PDE8B: variants seen among roughly 807,000 people sequenced by gnomAD.
PDE8B encodes the protein high affinity cAMP-specific and IBMX-insensitive 3',5'-cyclic phosphodiesterase 8B.
Under a neutral mutation model 101.3 loss-of-function variants are expected in PDE8B, and 26 were observed. The ratio of observed to expected loss-of-function variants is 0.26; its 90% CI spans 0.19 to 0.36. The LOEUF is 0.36. Among genes scored for constraint, PDE8B ranks in the 10% least tolerant of loss-of-function variants. The pLI, the probability that PDE8B is intolerant of heterozygous loss-of-function variation, is 1.00. For missense variants in PDE8B, 810 were observed against 1,163.1 expected (o/e 0.70, Z 4.42); for synonymous variants, 424 against 429.3 (o/e 0.99, Z 0.15).
intron 1 of PDE8B, among the ~76,000 whole-genome samples, chr5:77,295,017 C>G (rs1768216090): frequency 6.6e-6 from 1 of 151,866 alleles, no homozygotes; most frequent in Admixed American, 6.6e-5. Context: ...AACATCAATG[C>G]ATATTCTAGT....
Position 77,278,543 on chromosome 5 carries a change from C to T in PDE8B, c.340-33451C>T, listed in dbSNP as rs1381823489. Reference sequence around the variant, plus strand: ...GGAGTGCAGTGGCGCGATCTTGTCTCATTGCAAGCTCTGCCTCCCGGGTTC... The same window carrying T: ...GGAGTGCAGTGGCGCGATCTTGTCTTATTGCAAGCTCTGCCTCCCGGGTTC... On this transcript the variant is annotated intron_variant, in intron 1 of 21. Transcript: ENST00000264917. 3.3e-5 allele frequency among the ~76,000 whole-genome samples: 5 copies of T among 152,278 alleles called. No homozygotes were observed. The East Asian group carries it at 7.7e-4, about 24-fold the overall frequency.
chr5:77,393,754 A>G (rs1441627575), intron 10 of PDE8B, among the ~76,000 whole-genome samples: 4 of 152,216 alleles, frequency 2.6e-5, no homozygotes, highest in Admixed American at 2.6e-4. Flanking sequence ...TGTAATACCT[A>G]TACATAGGTA....
At chr5:77,319,514 GA>G (rs1774563212) in intron 2 of PDE8B, among the ~76,000 whole-genome samples, 1 of 152,206 alleles carries the variant, frequency 6.6e-6, no homozygotes, top group Admixed American at 6.5e-5. Context: ...GTGCAATGAA[GA>G]GATGCAAAAT....
At chr5:77,327,896 G>T (rs1776351134) in intron 3 of PDE8B, among the ~76,000 whole-genome samples, 1 of 152,200 alleles carries the variant, frequency 6.6e-6, no homozygotes, top group South Asian at 2.1e-4. Context: ...GAGGGCTCAA[G>T]GAACAGGACA....
At chr5:77,204,768 C>G in the PDE8B span, among the ~76,000 whole-genome samples, 2 of 152,150 alleles carry the variant, frequency 1.3e-5, no homozygotes, top group Admixed American at 1.3e-4. Context: ...TCTTCCCTTC[C>G]CAATGACCAT....
chr5:77,390,536 C>T (rs759564457), intron 10 of PDE8B, among the ~76,000 whole-genome samples: 1 of 152,178 alleles, frequency 6.6e-6, no homozygotes, highest in African/African-American at 2.4e-5. Flanking sequence ...TATGCTTTTA[C>T]AAGAGGAGAA....
the PDE8B span, among the ~76,000 whole-genome samples, chr5:77,202,065 T>C: frequency 1.3e-5 from 2 of 152,174 alleles, no homozygotes; most frequent in South Asian, 2.1e-4. Context: ...CCCACCCTTA[T>C]GACCTCGTAA....
intron 19 of PDE8B, among the ~76,000 whole-genome samples, chr5:77,421,594 G>GTA (rs1401965217): frequency 6.6e-6 from 1 of 151,630 alleles, no homozygotes. Context: ...TTCAAACTCT[G>GTA]TGTGTGTGTG....
chr5:77,369,559 A>G (rs1459190806), intron 10 of PDE8B, among the ~76,000 whole-genome samples: 1 of 152,184 alleles, frequency 6.6e-6, no homozygotes, highest in Non-Finnish European at 1.5e-5. Context: ...ATAATATTTT[A>G]TTGAGTGTTT....
At chr5:77,343,818 C>CA (rs950299333) in intron 6 of PDE8B, among the ~76,000 whole-genome samples, 60 of 142,444 alleles carry the variant, frequency 4.2e-4, no homozygotes, top group African/African-American at 1.4e-3. Flanking sequence ...CACAGCTGTA[C>CA]AAAAAAAATG....
chr5:77,234,670 A>G (rs1446324125), intron 1 of PDE8B, among the ~76,000 whole-genome samples: 1 of 152,042 alleles, frequency 6.6e-6, no homozygotes, highest in African/African-American at 2.4e-5. Flanking sequence ...TAGAAGTTTG[A>G]CCTTTATCCT....
intron 1 of PDE8B, among the ~76,000 whole-genome samples, chr5:77,266,370 C>A (rs1243473436): frequency 1.3e-5 from 2 of 152,152 alleles, no homozygotes; most frequent in Non-Finnish European, 2.9e-5. Context: ...AAGTTTTTCA[C>A]ATTTTTTGTG....
At chr5:77,229,474 A>T (rs910791894) in intron 1 of PDE8B, among the ~76,000 whole-genome samples, 2 of 152,206 alleles carry the variant, frequency 1.3e-5, no homozygotes, top group Non-Finnish European at 2.9e-5. Flanking sequence ...AACCATTTTG[A>T]AGTGCACAGT....
the PDE8B span, among the ~76,000 whole-genome samples, chr5:77,189,951 G>T: frequency 6.6e-6 from 1 of 152,212 alleles, no homozygotes; most frequent in African/African-American, 2.4e-5. Context: ...AATCAGTTTT[G>T]TAAGTGGACC....
intron 11 of PDE8B, among the ~76,000 whole-genome samples, chr5:77,402,207 C>T (rs1191653397): frequency 6.6e-6 from 1 of 151,698 alleles, no homozygotes; most frequent in Non-Finnish European, 1.5e-5. Context: ...TTCAGAAATG[C>T]CATGATCCCA....
At chr5:77,181,393 G>T in the PDE8B span, among the ~76,000 whole-genome samples, 1 of 152,168 alleles carries the variant, frequency 6.6e-6, no homozygotes, top group Non-Finnish European at 1.5e-5. Flanking sequence ...CGTTCAGAGT[G>T]TCCTCTGAAA....
intron 10 of PDE8B, among the ~76,000 whole-genome samples, chr5:77,388,382 CT>C (rs373698671): frequency 1.1e-3 from 161 of 152,324 alleles, no homozygotes; most frequent in African/African-American, 3.8e-3. Context: ...CACTGTTTGC[CT>C]GGGTATCACC....
chr5:77,383,364 A>C (rs894028801), intron 10 of PDE8B, among the ~76,000 whole-genome samples: 1 of 152,116 alleles, frequency 6.6e-6, no homozygotes, highest in African/African-American at 2.4e-5. Flanking sequence ...AGATTACAAA[A>C]ATTTTCTCCC....
chr5:77,411,755 C>A, intron 15 of PDE8B, 34 bp downstream of exon 15: 1 of 1,492,240 alleles, frequency 6.7e-7, no homozygotes, highest in Non-Finnish European at 9.4e-7. Flanking sequence ...TTAGTGTAAC[C>A]TGTCTCCAGC....
Sources: gnomAD v4.1 joint callset for allele counts (sites outside exome capture counted in the v4.1 genomes callset) on GRCh38, gnomAD v4.1.1 for gene constraint, MANE v1.5 for transcripts, NCBI Gene and HGNC (gene_info 2026-07-23, HGNC 2026-07-21) for gene names.